CTNNA1: variants seen among roughly 807,000 people sequenced by gnomAD.
CTNNA1 encodes the protein catenin alpha 1.
Under a neutral mutation model 98.4 loss-of-function variants are expected in CTNNA1, and 37 were observed. The observed-to-expected ratio is 0.38, with a 90% confidence interval of 0.29 to 0.49. CTNNA1 has a LOEUF of 0.49. CTNNA1 is among the 20% of genes least tolerant of loss of function. CTNNA1 has a pLI of 0.95. For missense variants in CTNNA1, 761 were observed against 1,147.2 expected, an observed-to-expected ratio of 0.66 and a Z score of 4.86; for synonymous variants, 404 against 413.2, an observed-to-expected ratio of 0.98 and a Z score of 0.27.
rs188313114 is a variant in CTNNA1, at chr5:138,874,834, T to C, written c.1063-11378T>C. 5,872 of 1,409,004 alleles carry C rather than the reference T, an allele frequency of 4.2e-3. 49 individuals carry two copies. Among genetic ancestry groups the C allele is most frequent in the South Asian group, 0.021 (1,760 of 82,908 alleles). The allele number at this position is 1,409,004 out of a possible 1,614,324, so 87.3% of individuals were successfully genotyped here. ...TATGATGGTGATTTCCCTCATAAAATGTGAATTCGGTAGCTTATTTTAAAA... is the reference window on the plus strand; with the variant it reads ...TATGATGGTGATTTCCCTCATAAAACGTGAATTCGGTAGCTTATTTTAAAA... On this transcript the variant is annotated intron_variant, in intron 7 of 17. Coordinates refer to ENST00000302763, the MANE Select transcript of CTNNA1 (RefSeq NM_001903.5). The surrounding 1 kb of genome is among the most constrained non-coding windows in gnomAD (Gnocchi z 4.1).
chr5:138,932,410 C>T (rs1355109138), intron 16 of CTNNA1, 168 bp from the exon 17 acceptor site: 1 of 1,430,534 alleles, frequency 7.0e-7, no homozygotes, highest in Non-Finnish European at 9.1e-7. Context: ...CATCCCCAAG[C>T]AGAGTGTAGG....
intron 3 of CTNNA1, among the ~76,000 whole-genome samples, chr5:138,795,715 A>G (rs1443348164): frequency 3.3e-5 from 5 of 152,102 alleles, no homozygotes; most frequent in African/African-American, 1.2e-4. Context: ...GGGCAGTTTT[A>G]TTATAGGCTT....
At chr5:138,780,942 GACTA>G (rs1045567091) in intron 1 of CTNNA1, among the ~76,000 whole-genome samples, 22 of 80,142 alleles carry the variant, frequency 2.7e-4, no homozygotes, top group African/African-American at 7.6e-4. Flanking sequence ...TAGAAGAAAA[GACTA>G]ACTGTTATTT....
At chr5:138,761,081 C>T (rs1175931032) in intron 1 of CTNNA1, among the ~76,000 whole-genome samples, 1 of 152,204 alleles carries the variant, frequency 6.6e-6, no homozygotes, top group Non-Finnish European at 1.5e-5. Context: ...TCAGCCTCTT[C>T]AGAAGTTGAT....
chr5:138,896,097 G>A (rs1270792325), intron 9 of CTNNA1, among the ~76,000 whole-genome samples: 1 of 152,144 alleles, frequency 6.6e-6, no homozygotes, highest in African/African-American at 2.4e-5. Context: ...ATCACACTAT[G>A]GAAATAAGAT....
intron 7 of CTNNA1, among the ~76,000 whole-genome samples, chr5:138,836,805 A>G (rs1355788114): frequency 5.3e-5 from 8 of 152,348 alleles, no homozygotes; most frequent in African/African-American, 1.9e-4. Context: ...GTATTTCTGA[A>G]TTAACAGGTA....
chr5:138,927,931 C>T (rs1244630949), intron 13 of CTNNA1, among the ~76,000 whole-genome samples: 2 of 152,088 alleles, frequency 1.3e-5, no homozygotes, highest in Non-Finnish European at 2.9e-5. Flanking sequence ...TTTGTGCCAC[C>T]GAGTCCATCG....
chr5:138,866,918 A>C (rs964101766), intron 7 of CTNNA1, among the ~76,000 whole-genome samples: 3 of 152,180 alleles, frequency 2.0e-5, no homozygotes, highest in Non-Finnish European at 4.4e-5. Flanking sequence ...TTGTCTCTCT[A>C]AGGGAGACAT....
chr5:138,915,432 G>A (rs542932978), intron 10 of CTNNA1, among the ~76,000 whole-genome samples: 6 of 152,330 alleles, frequency 3.9e-5, no homozygotes, highest in South Asian at 2.1e-4. Context: ...AAAATAACAA[G>A]TGTTAGGGAA....
intron 7 of CTNNA1, among the ~76,000 whole-genome samples, chr5:138,831,756 T>A (rs999286181): frequency 3.3e-5 from 5 of 152,230 alleles, no homozygotes; most frequent in Non-Finnish European, 7.3e-5. Context: ...TGCAACTAGG[T>A]TTTTAAGCCT....
rs1217869200 is a variant in CTNNA1 at position 138,934,178 on chromosome 5, T to TGATA, written c.*90_*93dup. The stretch of plus-strand genomic sequence containing the variant: ...CAAATGAATTTGCTAAATACAACAC[T>TGATA]GATACTAGATTCCACAGGGAAATGG... On this transcript the variant is annotated 3_prime_UTR_variant, in exon 18 of 18. Coordinates refer to ENST00000302763, the MANE Select transcript of CTNNA1 (RefSeq NM_001903.5). 4.3e-6 allele frequency: 4 copies of TGATA among 936,956 alleles called. No homozygotes were observed. In the African/African-American group the frequency reaches 6.5e-5, roughly 15 times the overall value. The allele number at this position is 936,956 out of a possible 1,614,324, so 58.0% of individuals were successfully genotyped here.
At chr5:138,815,997 C>T (rs540764125) in intron 5 of CTNNA1, among the ~76,000 whole-genome samples, 33 of 152,286 alleles carry the variant, frequency 2.2e-4, no homozygotes, top group African/African-American at 7.9e-4. Flanking sequence ...GTCCATTGGC[C>T]TCCTTCAGTA....
At chr5:138,810,008 G>C (rs2149726801) in intron 3 of CTNNA1, 30 bp from the exon 4 acceptor site, 1 of 1,573,800 alleles carries the variant, frequency 6.4e-7, no homozygotes, top group Non-Finnish European at 8.7e-7. Context: ...GTTCATTCTT[G>C]CTGAGTTTGT....
At chr5:138,876,522 C>T (rs1298886035) in intron 7 of CTNNA1, among the ~76,000 whole-genome samples, 1 of 152,184 alleles carries the variant, frequency 6.6e-6, no homozygotes, top group Non-Finnish European at 1.5e-5. Flanking sequence ...TATTTTCAGG[C>T]CTGACAAAGG....
At chr5:138,845,667 T>A (rs1291055225) in intron 7 of CTNNA1, among the ~76,000 whole-genome samples, 1 of 152,216 alleles carries the variant, frequency 6.6e-6, no homozygotes. Flanking sequence ...AGGAATTATC[T>A]GAAGAGTCTT....
rs1766198159 is a variant in CTNNA1 at position 138,934,805 on chromosome 5, G to A, written c.*716G>A. ...ATCATTGGGCTCACTTCTAATAACT[G>A]CAGTGTTTCCCGCCTTGGGCTTGCA... On this transcript the variant is annotated 3_prime_UTR_variant, in exon 18 of 18. Coordinates refer to ENST00000302763, the MANE Select transcript of CTNNA1 (RefSeq NM_001903.5). The A allele has an allele frequency of 6.6e-6, 1 of 152,560 alleles. No individual in the cohort carries two copies. The highest frequency in any genetic ancestry group is 2.4e-5 in the African/African-American group (1 of 41,404). The allele number at this position is 152,560 out of a possible 1,614,324, so 9.5% of individuals were successfully genotyped here.
intron 7 of CTNNA1, among the ~76,000 whole-genome samples, chr5:138,839,999 C>T (rs936223483): frequency 2.6e-5 from 4 of 152,196 alleles, no homozygotes; most frequent in African/African-American, 7.2e-5. Flanking sequence ...GTAATGTAAT[C>T]TCCCCAGGGC....
chr5:138,799,650 CCATT>C (rs757169476), intron 3 of CTNNA1, among the ~76,000 whole-genome samples: 1 of 148,816 alleles, frequency 6.7e-6, no homozygotes, highest in Non-Finnish European at 1.5e-5. Flanking sequence ...GTAAGGATGA[CCATT>C]CAGAAGTTTG....
At chr5:138,798,329 C>G (rs1413040293) in intron 3 of CTNNA1, among the ~76,000 whole-genome samples, 1 of 152,148 alleles carries the variant, frequency 6.6e-6, no homozygotes, top group Non-Finnish European at 1.5e-5. Flanking sequence ...ACACAGCTGC[C>G]AAATATCGAA....
Sources: allele counts gnomAD v4.1 joint callset (sites outside exome capture counted in the v4.1 genomes callset), GRCh38; gene constraint gnomAD v4.1.1; non-coding constraint Gnocchi (gnomAD v3.1); transcripts MANE v1.5; gene names NCBI Gene and HGNC (gene_info 2026-07-23, HGNC 2026-07-21).